PTPRZ1: variants seen among roughly 807,000 people sequenced by gnomAD.
The protein encoded by PTPRZ1 is receptor-type tyrosine-protein phosphatase zeta.
Under a neutral mutation model 214.1 loss-of-function variants are expected in PTPRZ1, and 82 were observed. That is an observed-to-expected ratio of 0.38 (90% CI 0.32 to 0.46). PTPRZ1 has a LOEUF of 0.46. Among genes scored for constraint, PTPRZ1 ranks in the 20% least tolerant of loss-of-function variants. The pLI, the probability that PTPRZ1 is intolerant of heterozygous loss-of-function variation, is 1.00. For missense variants in PTPRZ1, 2,603 were observed against 2,748.7 expected (o/e 0.95, Z 1.19); for synonymous variants, 945 against 987.9 (o/e 0.96, Z 0.81).
chr7:121,938,444 C>T (rs1284750685), intron 2 of PTPRZ1, among the ~76,000 whole-genome samples: 7 of 152,206 alleles, frequency 4.6e-5, no homozygotes, highest in Non-Finnish European at 8.8e-5. Flanking sequence ...CTATTGGCTT[C>T]ATCCAGAGGG....
chr7:122,036,530 C>G, intron 17 of PTPRZ1, 70 bp from the exon 18 acceptor site: 1 of 1,010,062 alleles, frequency 9.9e-7, no homozygotes, highest in South Asian at 1.5e-5. Context: ...AATTATTATG[C>G]AAATATGAAT....
chr7:122,058,511 A>G (rs1189952185), intron 27 of PTPRZ1, among the ~76,000 whole-genome samples: 1 of 152,118 alleles, frequency 6.6e-6, no homozygotes, highest in Non-Finnish European at 1.5e-5. Context: ...TCTTTGATAC[A>G]TAGTTTCATG....
intron 2 of PTPRZ1, among the ~76,000 whole-genome samples, chr7:121,937,571 G>A (rs1322209249): frequency 6.6e-6 from 1 of 152,136 alleles, no homozygotes; most frequent in Non-Finnish European, 1.5e-5. Flanking sequence ...AGAGGAAGAT[G>A]CTGGGGGTTC....
At position 121,988,217 on chromosome 7, in the gene PTPRZ1, C is replaced by G. The variant is rs185666062; in HGVS notation, c.928+4100C>G. On this transcript the variant is annotated intron_variant, in intron 8 of 29. Transcript: ENST00000393386. ...TAAATATTTTTTAAAAGGGGCCCTT[C>G]GTTTGCCAAAACATATCCCCTTCTA... Among the ~76,000 whole-genome samples, 9 of 152,182 alleles carry G rather than the reference C, an allele frequency of 5.9e-5. No individual in the cohort carries two copies. In the East Asian group the frequency reaches 1.7e-3, roughly 29 times the overall value.
At chr7:121,877,139 T>C (rs775081624) in intron 1 of PTPRZ1, among the ~76,000 whole-genome samples, 3 of 152,220 alleles carry the variant, frequency 2.0e-5, no homozygotes, top group Non-Finnish European at 4.4e-5. Flanking sequence ...GCATTTTATG[T>C]ACATTTTCTC....
chr7:121,986,601 A>G (rs1170432853), intron 8 of PTPRZ1, among the ~76,000 whole-genome samples: 1 of 152,184 alleles, frequency 6.6e-6, no homozygotes, highest in East Asian at 1.9e-4. Flanking sequence ...AATCGATTTT[A>G]TTCCCTTAGA....
intron 1 of PTPRZ1, among the ~76,000 whole-genome samples, chr7:121,919,961 C>T (rs897291883): frequency 6.6e-6 from 1 of 152,156 alleles, no homozygotes; most frequent in African/African-American, 2.4e-5. Flanking sequence ...TGAGATTTGA[C>T]CTATTCATTA....
intron 2 of PTPRZ1, among the ~76,000 whole-genome samples, chr7:121,951,930 C>A (rs1264084009): frequency 6.6e-6 from 1 of 151,458 alleles, no homozygotes; most frequent in Non-Finnish European, 1.5e-5. Flanking sequence ...AGTTTAGATA[C>A]CTTTAAATCC....
At chr7:121,995,812 T>C (rs1798115327) in intron 8 of PTPRZ1, among the ~76,000 whole-genome samples, 1 of 152,202 alleles carries the variant, frequency 6.6e-6, no homozygotes, top group Non-Finnish European at 1.5e-5. Context: ...ATAGTATGTC[T>C]TTCATAATTG....
chr7:121,875,032 C>T (rs1373076555), intron 1 of PTPRZ1, among the ~76,000 whole-genome samples: 3 of 131,124 alleles, frequency 2.3e-5, no homozygotes, highest in African/African-American at 6.6e-5. Context: ...GAGCATGTTG[C>T]GGATCTCTTT....
intron 2 of PTPRZ1, among the ~76,000 whole-genome samples, chr7:121,964,958 G>A (rs902632190): frequency 1.3e-5 from 2 of 152,138 alleles, no homozygotes; most frequent in Middle Eastern, 3.2e-3. Flanking sequence ...GGACATGAGC[G>A]GGGACATCAT....
chr7:121,989,640 C>G lies in PTPRZ1; in HGVS notation c.928+5523C>G, dbSNP rs546154813. Among the ~76,000 whole-genome samples, 63 of 152,284 alleles carry G rather than the reference C, an allele frequency of 4.1e-4. 1 individual carries two copies. Among genetic ancestry groups the G allele is most frequent in the African/African-American group, 1.5e-3 (63 of 41,564 alleles). On this transcript the variant is annotated intron_variant, in intron 8 of 29. Coordinates refer to ENST00000393386, the MANE Select transcript of PTPRZ1 (RefSeq NM_002851.3). ...CCGCCCACCTCGGCCTCCCAAAGTGCTGGGACTACAGGCATGAGCCACCAC... is the reference window on the plus strand; with the variant it reads ...CCGCCCACCTCGGCCTCCCAAAGTGGTGGGACTACAGGCATGAGCCACCAC...
intron 2 of PTPRZ1, among the ~76,000 whole-genome samples, chr7:121,956,181 T>C (rs80053253): frequency 0.039 from 5,969 of 151,998 alleles, 133 homozygotes; most frequent in East Asian, 0.084. Flanking sequence ...ATCAGGAATA[T>C]TGACTTTCCC....
intron 9 of PTPRZ1, 31 bp from the exon 10 acceptor site, chr7:121,997,849 A>G (rs746576963): frequency 1.9e-6 from 3 of 1,583,920 alleles, no homozygotes; most frequent in Non-Finnish European, 2.6e-6. Flanking sequence ...TGAGAATAAC[A>G]TTTGTATAAT....
rs1371464384 is a variant in PTPRZ1 at position 122,061,948 on chromosome 7, A to C, written c.*728A>C. 1.3e-5 allele frequency: 2 copies of C among 152,582 alleles called. No individual in the cohort carries two copies. Among genetic ancestry groups the C allele is most frequent in the African/African-American group, 4.8e-5 (2 of 41,420 alleles). 9.5% of individuals were successfully genotyped at this position (152,582 alleles called of 1,614,324 possible). On this transcript the variant is annotated 3_prime_UTR_variant, in exon 30 of 30. Coordinates refer to ENST00000393386, the MANE Select transcript of PTPRZ1 (RefSeq NM_002851.3). Reference sequence around the variant, plus strand: ...ATAGAAATACCTTCATTTTGAAAGAAGTTTTTATGAGAATAACACCTTACC... The same window carrying C: ...ATAGAAATACCTTCATTTTGAAAGACGTTTTTATGAGAATAACACCTTACC...
intron 2 of PTPRZ1, among the ~76,000 whole-genome samples, chr7:121,964,646 G>A (rs1796987865): frequency 6.6e-6 from 1 of 152,004 alleles, no homozygotes; most frequent in Admixed American, 6.6e-5. Flanking sequence ...CAATGAATGA[G>A]CATAATTAAT....
At chr7:122,038,920 A>T (rs1206763417) in intron 19 of PTPRZ1, 31 bp downstream of exon 19, 3 of 1,609,554 alleles carry the variant, frequency 1.9e-6, no homozygotes, top group Non-Finnish European at 2.5e-6. Context: ...GTCACCCCCA[A>T]AAAAGTAATT....
chr7:121,915,542 A>G (rs971845228), intron 1 of PTPRZ1, among the ~76,000 whole-genome samples: 2 of 152,134 alleles, frequency 1.3e-5, no homozygotes, highest in Admixed American at 6.5e-5. Flanking sequence ...AGCAGTCACT[A>G]TTTTCTTAAT....
At chr7:122,020,581 G>A (rs977364980) in intron 13 of PTPRZ1, among the ~76,000 whole-genome samples, 2 of 152,142 alleles carry the variant, frequency 1.3e-5, no homozygotes, top group African/African-American at 4.8e-5. Context: ...GACACAGTGA[G>A]GTCTGGAGCA....
Sources: gnomAD v4.1 joint callset for allele counts (sites outside exome capture counted in the v4.1 genomes callset) on GRCh38, gnomAD v4.1.1 for gene constraint, MANE v1.5 for transcripts, NCBI Gene and HGNC (gene_info 2026-07-23, HGNC 2026-07-21) for gene names.